The following AKAP12 variants were observed in gnomAD, a reference collection of about 807,000 sequenced individuals.
AKAP12 encodes the protein A-kinase anchoring protein 12, also known as A-kinase anchor protein 12.
Under a neutral mutation model 79.9 loss-of-function variants are expected in AKAP12, and 32 were observed. That is an observed-to-expected ratio of 0.40 (90% CI 0.30 to 0.54). AKAP12 has a LOEUF of 0.54. AKAP12 is among the 20% of genes least tolerant of loss of function. The pLI, the probability that AKAP12 is intolerant of heterozygous loss-of-function variation, is 0.48. For missense variants in AKAP12, 2,074 were observed against 2,177.0 expected, an observed-to-expected ratio of 0.95 and a Z score of 0.94; for synonymous variants, 808 against 857.0, an observed-to-expected ratio of 0.94 and a Z score of 1.00.
At position 151,353,313 on chromosome 6, in the gene AKAP12, C is replaced by T; in HGVS notation, c.4922C>T (p.Thr1641Ile). Reference protein sequence around the residue: ...SKDMSEASEKTMTVEVEGSTV... With the variant: ...SKDMSEASEKIMTVEVEGSTV... ...GACATGAGTGAAGCCTCAGAAAAGA[C>T]CATGACTGTTGAGGTAGAAGGTTCC... is the stretch of plus-strand genomic sequence containing the variant. The change falls in exon 4 of 5, where the codon ACC (threonine) becomes ATC (isoleucine). Residue 1641 changes from threonine (T) to isoleucine (I), a missense_variant. Coordinates refer to ENST00000402676, the MANE Select transcript of AKAP12 (RefSeq NM_005100.4). 1 of 1,614,184 alleles carries T rather than the reference C, an allele frequency of 6.2e-7. No individual in the cohort carries two copies. The highest frequency in any genetic ancestry group is 8.5e-7 in the Non-Finnish European group (1 of 1,180,034).
At chr6:151,262,297 C>G (rs1435885405) in intron 2 of AKAP12, among the ~76,000 whole-genome samples, 2 of 152,164 alleles carry the variant, frequency 1.3e-5, no homozygotes, top group Admixed American at 6.5e-5. Flanking sequence ...GTCTGCTACA[C>G]GTTCTTCTTC....
At chr6:151,341,826 G>A in intron 3 of AKAP12, 2 of 1,282,426 alleles carry the variant, frequency 1.6e-6, no homozygotes, top group Non-Finnish European at 2.0e-6. Flanking sequence ...TCCCGTCCCA[G>A]GCTTGGGAAA....
At chr6:151,240,355 C>CCTTTTTT in intron 1 of AKAP12, 29 bp from the exon 2 acceptor site, 1 of 455,914 alleles carries the variant, frequency 2.2e-6, no homozygotes, top group Non-Finnish European at 3.6e-6. Flanking sequence ...TAAGAGGTGG[C>CCTTTTTT]CTTTTTTTTT....
At chr6:151,354,087 T>A (rs998153434) in intron 4 of AKAP12, among the ~76,000 whole-genome samples, 6 of 152,022 alleles carry the variant, frequency 3.9e-5, no homozygotes, top group Admixed American at 1.3e-4. Context: ...AACTATCTTG[T>A]TGAGTTTTTT....
chr6:151,273,322 C>G (rs1776228325), intron 2 of AKAP12, among the ~76,000 whole-genome samples: 1 of 152,228 alleles, frequency 6.6e-6, no homozygotes, highest in African/African-American at 2.4e-5. Context: ...CCTGTCCCTC[C>G]TGTTATTGCT....
At position 151,349,086 on chromosome 6, in the gene AKAP12, CCAAA is replaced by C; in HGVS notation, c.699_702del (p.Lys233AsnfsTer10). 1 of 1,612,034 alleles carries C rather than the reference CCAAA, an allele frequency of 6.2e-7. No individual in the cohort carries two copies. Among genetic ancestry groups the C allele is most frequent in the Non-Finnish European group, 8.5e-7 (1 of 1,179,560 alleles). ...GAAGCAGCATCCAAAGAAAGCGAAC[CCAAA>C]CAATCTACAGAGAAACCCGAAGAGA... On this transcript the variant is annotated frameshift_variant, in exon 4 of 5. Transcript: ENST00000402676. LOFTEE classifies it high-confidence loss of function.
chr6:151,250,422 A>C (rs6904401), intron 2 of AKAP12, among the ~76,000 whole-genome samples: 94,860 of 150,752 alleles, frequency 0.63, 29,943 homozygotes, highest in Admixed American at 0.74. Context: ...TCGCTTGAAC[A>C]CGGGAGGCGG....
intron 2 of AKAP12, among the ~76,000 whole-genome samples, chr6:151,292,906 A>G (rs1776650868): frequency 6.6e-6 from 1 of 152,276 alleles, no homozygotes; most frequent in Middle Eastern, 3.4e-3. Context: ...ACAGTTGTGT[A>G]GTGTTTAGCC....
At chr6:151,319,406 T>C (rs1051989213) in intron 3 of AKAP12, among the ~76,000 whole-genome samples, 4 of 151,502 alleles carry the variant, frequency 2.6e-5, no homozygotes, top group Admixed American at 1.3e-4. Flanking sequence ...GACAGATATC[T>C]ATCTATACAC....
At chr6:151,314,408 C>A (rs1478548101) in intron 3 of AKAP12, among the ~76,000 whole-genome samples, 1 of 151,950 alleles carries the variant, frequency 6.6e-6, no homozygotes, top group African/African-American at 2.4e-5. Flanking sequence ...GAATTTTATT[C>A]AAAAATATCT....
At chr6:151,264,399 A>G (rs1186231678) in intron 2 of AKAP12, among the ~76,000 whole-genome samples, 3 of 149,464 alleles carry the variant, frequency 2.0e-5, no homozygotes, top group African/African-American at 7.3e-5. Context: ...GCTTGGGCAT[A>G]GTGGCTCACA....
chr6:151,304,776 A>G (rs1003214771), intron 2 of AKAP12, among the ~76,000 whole-genome samples: 2 of 151,760 alleles, frequency 1.3e-5, no homozygotes, highest in Admixed American at 6.6e-5. Context: ...ACGGGGTTTC[A>G]CTATGTTGGC....
chr6:151,243,042 C>G (rs1410445278), intron 2 of AKAP12, among the ~76,000 whole-genome samples: 2 of 152,178 alleles, frequency 1.3e-5, no homozygotes, highest in Non-Finnish European at 2.9e-5. Flanking sequence ...ATTAATAGAT[C>G]AAGTGAATAG....
chr6:151,240,329 G>C (rs1256892619), intron 1 of AKAP12, 55 bp from the exon 2 acceptor site: 1 of 397,008 alleles, frequency 2.5e-6, no homozygotes, highest in Non-Finnish European at 4.4e-6. Context: ...AAAACCGGGG[G>C]GAGGGGGGCG....
intron 3 of AKAP12, among the ~76,000 whole-genome samples, chr6:151,321,975 A>G (rs1484717976): frequency 7.2e-6 from 1 of 139,256 alleles, no homozygotes; most frequent in Non-Finnish European, 1.5e-5. Context: ...GTGGTGCGAT[A>G]CCATCTTACT....
chr6:151,311,014 T>G lies in AKAP12; in HGVS notation c.319+5111T>G, dbSNP rs1377328967. On this transcript the variant is annotated intron_variant, in intron 3 of 4. Transcript: ENST00000402676. ...AGAGGCCCTTGCTCTGTCACCCAGG[T>G]CAGAGTGCAGTAGTGCAATCATGGT... is the stretch of plus-strand genomic sequence containing the variant. Among the ~76,000 whole-genome samples, 13 of 152,220 alleles carry G rather than the reference T, an allele frequency of 8.5e-5. 1 individual carries two copies. In the South Asian group the frequency reaches 2.5e-3, roughly 29 times the overall value.
chr6:151,240,783 G>C (rs1388334410), intron 2 of AKAP12, 59 bp downstream of exon 2: 1 of 1,128,252 alleles, frequency 8.9e-7, no homozygotes, highest in Non-Finnish European at 1.1e-6. Flanking sequence ...GTGGGGGTGG[G>C]GGTGGGGGGG....
chr6:151,280,520 T>G (rs566652127), intron 2 of AKAP12: 2 of 152,194 alleles, frequency 1.3e-5, no homozygotes, highest in South Asian at 4.2e-4. Context: ...TATATAAAAA[T>G]ATGGAACGCT....
chr6:151,345,895 A>ATGTGTG (rs367643775), intron 3 of AKAP12, among the ~76,000 whole-genome samples: 60 of 128,928 alleles, frequency 4.7e-4, no homozygotes, highest in Middle Eastern at 4.0e-3. Context: ...GTGTGTGTAT[A>ATGTGTG]TGTGTGTGTG....
Sources: allele counts gnomAD v4.1 joint callset (sites outside exome capture counted in the v4.1 genomes callset), GRCh38; gene constraint gnomAD v4.1.1; transcripts MANE v1.5; gene names NCBI Gene and HGNC (gene_info 2026-07-23, HGNC 2026-07-21).